TAF3: variants seen among roughly 807,000 people sequenced by gnomAD.
The protein encoded by TAF3 is TATA-box binding protein associated factor 3.
TAF3 carries 7 observed loss-of-function variants against 80.6 expected under a neutral mutation model. That is an observed-to-expected ratio of 0.09 (90% confidence interval 0.05 to 0.16). The LOEUF (loss-of-function observed/expected upper bound fraction) is 0.16. Ranked by LOEUF, TAF3 falls within the 10% of genes least tolerant of loss-of-function variation. The pLI is 1.00. For synonymous variants in TAF3, 444 were observed against 446.1 expected (o/e 1.00, Z 0.06); for missense variants, 921 against 1,140.2 (o/e 0.81, Z 2.77).
chr10:7,920,387 A>G (rs1047486784), intron 2 of TAF3, among the ~76,000 whole-genome samples: 1 of 151,014 alleles, frequency 6.6e-6, no homozygotes, highest in African/African-American at 2.4e-5. Context: ...TTCCCCTACT[A>G]GATGAATGCT....
chr10:7,958,112 A>G (rs773700577), intron 2 of TAF3, among the ~76,000 whole-genome samples: 9 of 152,160 alleles, frequency 5.9e-5, no homozygotes, highest in Non-Finnish European at 1.3e-4. Context: ...TTGCCATTCA[A>G]TTATTATGAA....
At chr10:7,949,073 T>A (rs908167204) in intron 2 of TAF3, among the ~76,000 whole-genome samples, 3 of 152,204 alleles carry the variant, frequency 2.0e-5, no homozygotes, top group African/African-American at 7.2e-5. Flanking sequence ...CAGGATGATT[T>A]CCCATTACTT....
chr10:7,818,955 C>G, intron 1 of TAF3, 80 bp downstream of exon 1: 6 of 1,297,546 alleles, frequency 4.6e-6, no homozygotes, highest in Non-Finnish European at 5.9e-6. Flanking sequence ...CCTCCGCGTC[C>G]CCGGGGTGTG....
chr10:7,882,619 A>G (rs1209084742), intron 2 of TAF3, among the ~76,000 whole-genome samples: 1 of 152,178 alleles, frequency 6.6e-6, no homozygotes, highest in South Asian at 2.1e-4. Context: ...GACTCAACAT[A>G]AGGAAGAATT....
At chr10:7,919,598 A>G (rs908547340) in intron 2 of TAF3, among the ~76,000 whole-genome samples, 7 of 152,124 alleles carry the variant, frequency 4.6e-5, no homozygotes, top group African/African-American at 1.4e-4. Flanking sequence ...CCCCCCATAG[A>G]GAATCCTCAA....
intron 2 of TAF3, among the ~76,000 whole-genome samples, chr10:7,827,615 A>C (rs904887788): frequency 6.6e-6 from 1 of 152,102 alleles, no homozygotes; most frequent in Non-Finnish European, 1.5e-5. Context: ...CCCCGTCTCT[A>C]CTAAAGATAC....
At chr10:7,939,577 TAC>T (rs71385681) in intron 2 of TAF3, among the ~76,000 whole-genome samples, 31,823 of 138,896 alleles carry the variant, frequency 0.23, 3,622 homozygotes, top group African/African-American at 0.3. Flanking sequence ...AGAAGAAAAC[TAC>T]ACACACACAC....
At position 7,818,561 on chromosome 10, in the gene TAF3, G is replaced by A; in HGVS notation, c.-149G>A. The A allele has an allele frequency of 2.5e-6, 2 of 806,032 alleles. No individual in the cohort carries two copies. Among genetic ancestry groups the A allele is most frequent in the South Asian group, 2.1e-5 (1 of 47,794 alleles). The allele number at this position is 806,032 out of a possible 1,614,324, so 49.9% of individuals were successfully genotyped here. ...CTCTCAGGCTGGCGCGCTCCGTGCT[G>A]CTGGGGCTTTGAGGTGGTCGCCGGG... is the stretch of plus-strand genomic sequence containing the variant. On this transcript the variant is annotated 5_prime_UTR_variant, in exon 1 of 7. Transcript: ENST00000344293.
chr10:7,887,658 GT>G (rs1189739647), intron 2 of TAF3, among the ~76,000 whole-genome samples: 3 of 152,108 alleles, frequency 2.0e-5, no homozygotes, highest in African/African-American at 7.2e-5. Context: ...CGCTGGGAGT[GT>G]TTTGATGCTG....
intron 3 of TAF3, among the ~76,000 whole-genome samples, 189 bp downstream of exon 3, chr10:7,965,931 A>G (rs1269631210): frequency 6.6e-6 from 1 of 152,232 alleles, no homozygotes; most frequent in East Asian, 1.9e-4. Context: ...CAAGCCCTCA[A>G]CACACTAGCA....
At chr10:7,882,123 A>T (rs577112842) in intron 2 of TAF3, among the ~76,000 whole-genome samples, 9 of 152,322 alleles carry the variant, frequency 5.9e-5, no homozygotes, top group Admixed American at 5.2e-4. Flanking sequence ...AATTGTACTG[A>T]ATTATGGGAA....
intron 2 of TAF3, among the ~76,000 whole-genome samples, chr10:7,879,868 A>C (rs576181376): frequency 5.3e-5 from 8 of 152,322 alleles, no homozygotes; most frequent in African/African-American, 1.9e-4. Context: ...TCAAATTCCA[A>C]GTATGTATTT....
intron 2 of TAF3, among the ~76,000 whole-genome samples, chr10:7,963,064 A>T (rs1227720884): frequency 6.6e-6 from 1 of 152,096 alleles, no homozygotes; most frequent in Non-Finnish European, 1.5e-5. Context: ...TAGCCGAAAA[A>T]CCATTTGTCA....
chr10:8,006,785 G>A (rs933261416), intron 4 of TAF3, among the ~76,000 whole-genome samples: 5 of 152,210 alleles, frequency 3.3e-5, no homozygotes, highest in African/African-American at 1.2e-4. Flanking sequence ...GTGAAGGCTG[G>A]CAGCAATGAG....
Position 7,980,574 on chromosome 10 carries a change from G to A in TAF3, c.2315+3251G>A, listed in dbSNP as rs116561853. On this transcript the variant is annotated intron_variant, in intron 4 of 6. Coordinates refer to ENST00000344293, the MANE Select transcript of TAF3 (RefSeq NM_031923.4). ...GATCTTCCAGTAATGGGTGTCCAGA[G>A]TTCCCTGTAGTCTATATTGAAGATA... Among the ~76,000 whole-genome samples the A allele has an allele frequency of 5.8e-3, 881 of 152,322 alleles. 10 individuals are homozygous for A. The highest frequency in any genetic ancestry group is 0.02 in the African/African-American group (840 of 41,570).
At chr10:7,835,431 C>T (rs1456732425) in intron 2 of TAF3, among the ~76,000 whole-genome samples, 1 of 152,190 alleles carries the variant, frequency 6.6e-6, no homozygotes, top group Admixed American at 6.5e-5. Context: ...GGAACTTGCT[C>T]ACTGAGATTT....
chr10:8,008,977 G>T, intron 4 of TAF3, 101 bp from the exon 5 acceptor site: 1 of 1,450,424 alleles, frequency 6.9e-7, no homozygotes. Context: ...GAAGTATTTC[G>T]CTACTGGAAG....
rs74514054 is a variant in TAF3, at chr10:7,869,719, A to G, written c.409+45159A>G. Among the ~76,000 whole-genome samples, 1,280 of 152,348 alleles carry G rather than the reference A, an allele frequency of 8.4e-3. 15 individuals carry two copies. The highest frequency in any genetic ancestry group is 0.028 in the African/African-American group (1,148 of 41,586). On this transcript the variant is annotated intron_variant, in intron 2 of 6. Coordinates refer to ENST00000344293, the MANE Select transcript of TAF3 (RefSeq NM_031923.4). The stretch of plus-strand genomic sequence containing the variant: ...TGCCCTCCAGAAAGGCTGTCCCAGC[A>G]TGCACCCCTGCAGCAGCACGGACTG...
chr10:7,908,295 T>G (rs1837624336), intron 2 of TAF3, among the ~76,000 whole-genome samples: 3 of 152,210 alleles, frequency 2.0e-5, no homozygotes, highest in African/African-American at 7.2e-5. Context: ...CCATGGCTAC[T>G]GCTTAGCTCA....
Sources: gnomAD v4.1 joint callset for allele counts (sites outside exome capture counted in the v4.1 genomes callset) on GRCh38, gnomAD v4.1.1 for gene constraint, MANE v1.5 for transcripts, NCBI Gene and HGNC (gene_info 2026-07-23, HGNC 2026-07-21) for gene names.